The following TNFRSF10C variants were observed in gnomAD, a reference collection of about 807,000 sequenced individuals.
TNFRSF10C encodes the protein tumor necrosis factor receptor superfamily member 10C.
In TNFRSF10C, 17 loss-of-function variants were observed where a neutral mutation model predicts 16.7. That is an observed-to-expected ratio of 1.02 (90% CI 0.70 to 1.53). The LOEUF is 1.53. Ranked by LOEUF, TNFRSF10C falls within the 40% of genes most tolerant of loss-of-function variation. The probability of loss-of-function intolerance (pLI) is 0.00; values close to 1 mark genes in which losing one functional copy is unlikely to be tolerated. For missense variants in TNFRSF10C, 237 were observed against 329.7 expected, an observed-to-expected ratio of 0.72 and a Z score of 2.18; for synonymous variants, 73 against 119.7, an observed-to-expected ratio of 0.61 and a Z score of 2.55.
chr8:23,111,338 TC>T (rs1813874318), intron 1 of TNFRSF10C, among the ~76,000 whole-genome samples: 1 of 152,008 alleles, frequency 6.6e-6, no homozygotes, highest in East Asian at 1.9e-4. Flanking sequence ...TGCCTCAGCC[TC>T]CTGAGTAGCT....
intron 2 of TNFRSF10C, among the ~76,000 whole-genome samples, chr8:23,112,028 C>T (rs892484724): frequency 6.6e-6 from 1 of 152,104 alleles, no homozygotes; most frequent in African/African-American, 2.4e-5. Flanking sequence ...GATACAGAGC[C>T]CTGGGATAAG....
chr8:23,107,136 A>G (rs868705608), intron 1 of TNFRSF10C, among the ~76,000 whole-genome samples: 1 of 152,196 alleles, frequency 6.6e-6, no homozygotes, highest in African/African-American at 2.4e-5. Flanking sequence ...TGAGCCCAGG[A>G]GTTCAAGACC....
intron 1 of TNFRSF10C, 142 bp from the exon 2 acceptor site, chr8:23,111,578 T>C (rs10111172): frequency 0.83 from 567,223 of 684,948 alleles, 235,602 homozygotes; most frequent in African/African-American, 0.91. Flanking sequence ...AACACAGGTA[T>C]GAAAGAATGA....
At chr8:23,115,402 C>A (rs1813961013) in intron 3 of TNFRSF10C, 106 bp from the exon 4 acceptor site, 2 of 895,928 alleles carry the variant, frequency 2.2e-6, no homozygotes, top group African/African-American at 1.6e-5. Flanking sequence ...GCCCTTAGAA[C>A]TCCTTGGTGA....
At chr8:23,111,922 C>T (rs1813887054) in intron 2 of TNFRSF10C, 97 bp downstream of exon 2, 5 of 1,247,216 alleles carry the variant, frequency 4.0e-6, no homozygotes, top group Non-Finnish European at 3.4e-6. Flanking sequence ...AATATGTACG[C>T]ATTGTGGAAT....
Position 23,116,271 on chromosome 8 carries a change from T to C in TNFRSF10C, c.390-370T>C, listed in dbSNP as rs566858560. On this transcript the variant is annotated intron_variant, in intron 4 of 4. Transcript: ENST00000356864. ...GGAGGAACCAGCAGACAGTTGGGGG[T>C]GAGAGATCACTTGTACTGTGGGTTG... Among the ~76,000 whole-genome samples the C allele has an allele frequency of 4.6e-5, 7 of 151,932 alleles. No homozygotes were observed. The East Asian group carries it at 1.4e-3, about 29-fold the overall frequency.
At chr8:23,115,472 G>A (rs757511052) in intron 3 of TNFRSF10C, 36 bp from the exon 4 acceptor site, 4 of 1,579,174 alleles carry the variant, frequency 2.5e-6, no homozygotes, top group South Asian at 2.2e-5. Context: ...ATACATCAGG[G>A]AAACACATTC....
intron 1 of TNFRSF10C, 143 bp from the exon 2 acceptor site, chr8:23,111,577 A>C: frequency 1.5e-6 from 1 of 679,366 alleles, no homozygotes; most frequent in Non-Finnish European, 2.6e-6. Flanking sequence ...AAACACAGGT[A>C]TGAAAGAATG....
intron 2 of TNFRSF10C, 127 bp from the exon 3 acceptor site, chr8:23,114,530 C>G: frequency 2.9e-6 from 2 of 697,834 alleles, no homozygotes; most frequent in Admixed American, 5.1e-5. Flanking sequence ...GATGACAAGA[C>G]CAAGCCTGGA....
Position 23,115,495 on chromosome 8 carries a change from G to T in TNFRSF10C, c.281-13G>T. ...GGGAAACACATTCCCAAAACCTTAT[G>T]CTCTGTTGTCAGATCAAAAACATAA... is the stretch of plus-strand genomic sequence containing the variant. On this transcript the variant is annotated splice_polypyrimidine_tract_variant and intron_variant, in intron 3 of 4. Transcript: ENST00000356864. 6.2e-7 allele frequency: 1 copy of T among 1,608,348 alleles called. No homozygotes were observed. The highest frequency in any genetic ancestry group is 8.5e-7 in the Non-Finnish European group (1 of 1,175,652).
At chr8:23,114,576 CA>C (rs1563345086) in intron 2 of TNFRSF10C, 80 bp from the exon 3 acceptor site, 11 of 1,182,050 alleles carry the variant, frequency 9.3e-6, no homozygotes, top group Admixed American at 1.8e-5. Flanking sequence ...CAGTGAGGGC[CA>C]AAAAAGAAGT....
At chr8:23,104,224 C>T (rs149134833) in intron 1 of TNFRSF10C, among the ~76,000 whole-genome samples, 399 of 152,344 alleles carry the variant, frequency 2.6e-3, no homozygotes, top group Middle Eastern at 6.8e-3. Context: ...AATGTGAACT[C>T]TATGCGTCCC....
Position 23,111,721 on chromosome 8 carries a change from T to A in TNFRSF10C, c.62T>A (p.Val21Asp), listed in dbSNP as rs777959460. The change falls in exon 2 of 5, where the codon GTC (valine) becomes GAC (aspartate). Residue 21 changes from valine (V) to aspartate (D), a missense_variant and splice_region_variant. Val to Asp is a radical substitution (Grantham distance 152, BLOSUM62 -3). Around this residue, in one of 2 missense-constraint regions of TNFRSF10C, gnomAD observed 212 missense variants for 196.8 expected, o/e 1.08. Coordinates refer to ENST00000356864, the MANE Select transcript of TNFRSF10C (RefSeq NM_003841.5). ...CCCATCACTCCTTTGTCCCCACAGGTCCTAGCTTACTCTGCCACCACTGCC... is the reference window on the plus strand; with the variant it reads ...CCCATCACTCCTTTGTCCCCACAGGACCTAGCTTACTCTGCCACCACTGCC... ...VVVIVAVLLP[V>D]LAYSATTARQ... 9 of 1,613,374 alleles carry A rather than the reference T, an allele frequency of 5.6e-6. No individual in the cohort carries two copies. The Admixed American group carries it at 1.5e-4, about 27-fold the overall frequency.
chr8:23,106,708 T>C (rs12550596), intron 1 of TNFRSF10C, among the ~76,000 whole-genome samples: 23,098 of 152,124 alleles, frequency 0.15, 1,888 homozygotes, highest in East Asian at 0.32. Context: ...AATTGTCAGC[T>C]GGGTGCGGTG....
rs1168965772 is a variant in TNFRSF10C, at chr8:23,111,826, G to A, written c.166+1G>A. ...TTCAAGGGGGAGGAGTGTCCAGCAG[G>A]TGCACTCTTATTTTTAAAAATCAGT... On this transcript the variant is annotated splice_donor_variant, in intron 2 of 4. Coordinates refer to ENST00000356864, the MANE Select transcript of TNFRSF10C (RefSeq NM_003841.5). LOFTEE classifies it high-confidence loss of function. The A allele has an allele frequency of 1.1e-5, 17 of 1,613,684 alleles. No homozygotes were observed. Among genetic ancestry groups the A allele is most frequent in the East Asian group, 2.2e-5 (1 of 44,870 alleles).
rs1019368759 is a variant in TNFRSF10C at position 23,116,408 on chromosome 8, C to T, written c.390-233C>T. ...AGCCCAGGGAAGCTCAGTGTGTGCCCGGCACAGAAGGCTCCTGTGGCCCCA... is the reference window on the plus strand; with the variant it reads ...AGCCCAGGGAAGCTCAGTGTGTGCCTGGCACAGAAGGCTCCTGTGGCCCCA... On this transcript the variant is annotated intron_variant, in intron 4 of 4. Coordinates refer to ENST00000356864, the MANE Select transcript of TNFRSF10C (RefSeq NM_003841.5). Among the ~76,000 whole-genome samples, 11 of 152,308 alleles carry T rather than the reference C, an allele frequency of 7.2e-5. No individual in the cohort carries two copies. The East Asian group carries it at 1.2e-3, about 16-fold the overall frequency.
At position 23,117,218 on chromosome 8, in the gene TNFRSF10C, C is replaced by T. The variant is rs190637563; in HGVS notation, c.*187C>T. ...GCTCTATCTTCCTCCTTGTGATCGT[C>T]CCATCCCCACATCCCGTGCACCCCC... is the stretch of plus-strand genomic sequence containing the variant. On this transcript the variant is annotated 3_prime_UTR_variant, in exon 5 of 5. Coordinates refer to ENST00000356864, the MANE Select transcript of TNFRSF10C (RefSeq NM_003841.5). 2.8e-4 allele frequency: 250 copies of T among 882,530 alleles called. 1 individual carries two copies. The African/African-American group carries it at 3.9e-3, about 14-fold the overall frequency. The allele number at this position is 882,530 out of a possible 1,614,324, so 54.7% of individuals were successfully genotyped here.
intron 3 of TNFRSF10C, among the ~76,000 whole-genome samples, chr8:23,115,007 G>T (rs1813950586): frequency 1.3e-5 from 2 of 152,208 alleles, no homozygotes; most frequent in Admixed American, 6.5e-5. Flanking sequence ...GATCATTAGA[G>T]CATAGAGAAG....
chr8:23,105,123 G>A (rs953526598), intron 1 of TNFRSF10C, among the ~76,000 whole-genome samples: 1 of 152,158 alleles, frequency 6.6e-6, no homozygotes, highest in African/African-American at 2.4e-5. Context: ...CAGAATCTCG[G>A]ACTCTCAGGC....
Sources: allele counts gnomAD v4.1 joint callset (sites outside exome capture counted in the v4.1 genomes callset), GRCh38; gene constraint gnomAD v4.1.1; regional missense constraint gnomAD v4.1.1; transcripts MANE v1.5; gene names NCBI Gene and HGNC (gene_info 2026-07-23, HGNC 2026-07-21).